ALG12: variants seen among roughly 807,000 people sequenced by gnomAD.
The protein encoded by ALG12 is dol-P-Man:Man(7)GlcNAc(2)-PP-Dol alpha-1,6-mannosyltransferase.
ALG12 carries 36 observed loss-of-function variants against 46.0 expected under a neutral mutation model. The observed-to-expected ratio is 0.78, with a 90% CI of 0.60 to 1.03. The LOEUF is 1.03. ALG12 is among the 50% of genes least tolerant of loss of function. The pLI is 0.00. For missense variants in ALG12, 599 were observed against 633.5 expected (o/e 0.95, Z 0.58); for synonymous variants, 326 against 291.6 (o/e 1.12, Z -1.20).
chr22:49,868,811 T>C, the ALG12 span, among the ~76,000 whole-genome samples: 4 of 151,968 alleles, frequency 2.6e-5, no homozygotes, highest in Non-Finnish European at 5.9e-5. Flanking sequence ...CAGAGGTGGA[T>C]TGAAACGTCA....
chr22:49,884,427 T>G, the ALG12 span: 3 of 1,613,934 alleles, frequency 1.9e-6, no homozygotes, highest in Non-Finnish European at 2.5e-6. Context: ...TGGGGTCGTC[T>G]CCCCACCTCC....
the ALG12 span, among the ~76,000 whole-genome samples, chr22:49,866,902 C>A: frequency 6.6e-6 from 1 of 152,180 alleles, no homozygotes. Context: ...GGCAAATGCA[C>A]GTTCTTACCT....
chr22:49,879,396 C>T, the ALG12 span, among the ~76,000 whole-genome samples: 1 of 151,858 alleles, frequency 6.6e-6, no homozygotes, highest in Non-Finnish European at 1.5e-5. Context: ...CGAAGTGCTG[C>T]GATTACAGGT....
the ALG12 span, among the ~76,000 whole-genome samples, chr22:49,892,599 A>G: frequency 6.6e-6 from 1 of 152,226 alleles, no homozygotes; most frequent in Non-Finnish European, 1.5e-5. Context: ...CAAGGGAGAC[A>G]AAACTTGGGA....
At position 49,904,349 on chromosome 22, in the gene ALG12, G is replaced by A. The variant is rs369814556; in HGVS notation, c.1150C>T (p.Pro384Ser). Reference sequence around the variant, plus strand: ...CCCCAGCACCCACCTGTCTGGGGGGGCACCAGCTGGTGCAGCCTCTGCATT... The same window carrying A: ...CCCCAGCACCCACCTGTCTGGGGGGACACCAGCTGGTGCAGCCTCTGCATT... ...VAMQRLHQLV[P>S]PQTDVLLHID... Residue 384 changes from proline to serine, a missense_variant, in exon 8 of 10, where the codon CCC (proline) becomes TCC (serine). Physicochemically the swap from Pro to Ser is moderately conservative, Grantham distance 74. Transcript: ENST00000330817. The A allele has an allele frequency of 5.0e-6, 8 of 1,614,086 alleles. No individual in the cohort carries two copies. The highest frequency in any genetic ancestry group is 6.8e-6 in the Non-Finnish European group (8 of 1,180,042).
At chr22:49,916,309 G>A (rs993293696) in intron 1 of ALG12, among the ~76,000 whole-genome samples, 3 of 151,868 alleles carry the variant, frequency 2.0e-5, no homozygotes, top group African/African-American at 4.8e-5. Flanking sequence ...ACGGCCGGGC[G>A]TGGTGGCTCA....
intron 4 of ALG12, 120 bp downstream of exon 4, chr22:49,910,314 T>A: frequency 7.1e-7 from 1 of 1,400,952 alleles, no homozygotes; most frequent in Non-Finnish European, 9.8e-7. Flanking sequence ...CAGACCATCC[T>A]GAGGAACCCA....
chr22:49,899,142 A>G (rs1208606416), downstream of ALG12, among the ~76,000 whole-genome samples: 2 of 152,098 alleles, frequency 1.3e-5, no homozygotes, highest in Non-Finnish European at 1.5e-5. Flanking sequence ...ATACCAAAAA[A>G]TTAGCATATG....
intron 3 of ALG12, 54 bp from the exon 4 acceptor site, chr22:49,910,661 G>A: frequency 6.2e-7 from 1 of 1,607,628 alleles, no homozygotes; most frequent in Non-Finnish European, 8.5e-7. Flanking sequence ...TATCCAGTGG[G>A]GCCCCCTACG....
the ALG12 span, among the ~76,000 whole-genome samples, chr22:49,892,369 AC>A: frequency 9.2e-5 from 14 of 152,132 alleles, no homozygotes; most frequent in Non-Finnish European, 1.8e-4. Context: ...GAAGGTGGCA[AC>A]CAGAGCTGGC....
Position 49,909,895 on chromosome 22 carries a change from T to C in ALG12, c.663A>G (p.Leu221=). The part of the protein sequence containing the change: ...RHAVPAGILC[L]GLTVAVDSYF... ...AGCATCCCACAGTGACTGACTTACCTAAACAGAGGATCCCTGCCGGGACGG... is the reference window on the plus strand; with the variant it reads ...AGCATCCCACAGTGACTGACTTACCCAAACAGAGGATCCCTGCCGGGACGG... Residue 221 remains leucine (L), a splice_region_variant and synonymous_variant, in exon 5 of 10, where the codon TTA becomes TTG. Transcript: ENST00000330817. 1 of 1,614,120 alleles carries C rather than the reference T, an allele frequency of 6.2e-7. No individual in the cohort carries two copies. Among genetic ancestry groups the C allele is most frequent in the Non-Finnish European group, 8.5e-7 (1 of 1,180,016 alleles).
chr22:49,875,516 G>A, the ALG12 span, among the ~76,000 whole-genome samples: 3 of 151,840 alleles, frequency 2.0e-5, no homozygotes, highest in Non-Finnish European at 4.4e-5. Flanking sequence ...CACCTCCCGG[G>A]TTCCAGGGAT....
the ALG12 span, among the ~76,000 whole-genome samples, chr22:49,875,555 G>A: frequency 0.057 from 8,606 of 151,756 alleles, 652 homozygotes; most frequent in African/African-American, 0.17. Context: ...CAGGTAGCTG[G>A]GGTTACAGGT....
At chr22:49,894,303 A>G in the ALG12 span, among the ~76,000 whole-genome samples, 1 of 152,240 alleles carries the variant, frequency 6.6e-6, no homozygotes, top group African/African-American at 2.4e-5. Flanking sequence ...AAATAACCAG[A>G]TGGGACACAT....
chr22:49,911,465 C>T (rs75834079), intron 3 of ALG12, among the ~76,000 whole-genome samples: 6,088 of 151,916 alleles, frequency 0.04, 282 homozygotes, highest in African/African-American at 0.11. Flanking sequence ...GACAGAGTTT[C>T]CCTCTGTTGC....
At chr22:49,880,425 C>T in the ALG12 span, among the ~76,000 whole-genome samples, 2 of 152,250 alleles carry the variant, frequency 1.3e-5, no homozygotes, top group African/African-American at 4.8e-5. Flanking sequence ...CTCGAGACCA[C>T]CGGGCTCTGC....
the ALG12 span, among the ~76,000 whole-genome samples, chr22:49,869,163 G>T: frequency 7.9e-5 from 12 of 151,984 alleles, no homozygotes; most frequent in Admixed American, 2.0e-4. Context: ...TGGAAAGGGG[G>T]ATGCTCGGTC....
chr22:49,862,259 G>T, the ALG12 span, among the ~76,000 whole-genome samples: 1 of 152,192 alleles, frequency 6.6e-6, no homozygotes, highest in East Asian at 1.9e-4. Context: ...AAGTCGCTTG[G>T]AAGGTGGTTT....
chr22:49,880,737 A>G, the ALG12 span, among the ~76,000 whole-genome samples: 2 of 152,204 alleles, frequency 1.3e-5, no homozygotes, highest in South Asian at 2.1e-4. Flanking sequence ...TCCCATATCA[A>G]TTTTAGACTT....
Sources: allele counts gnomAD v4.1 joint callset (sites outside exome capture counted in the v4.1 genomes callset), GRCh38; gene constraint gnomAD v4.1.1; transcripts MANE v1.5; gene names NCBI Gene and HGNC (gene_info 2026-07-23, HGNC 2026-07-21).